PKIG: variants seen among roughly 807,000 people sequenced by gnomAD.
The protein encoded by PKIG is protein kinase (cAMP-dependent, catalytic) inhibitor gamma.
PKIG carries 1 observed loss-of-function variant against 6.8 expected under a neutral mutation model. That is an observed-to-expected ratio of 0.15 (90% confidence interval 0.05 to 0.69). The LOEUF is 0.69. PKIG is among the 30% of genes least tolerant of loss of function. PKIG has a pLI of 0.82. For missense variants in PKIG, 77 were observed against 104.0 expected (o/e 0.74, Z 1.13); for synonymous variants, 39 against 43.0 (o/e 0.91, Z 0.36).
At chr20:44,566,477 C>T (rs2064811857) in intron 1 of PKIG, among the ~76,000 whole-genome samples, 1 of 152,206 alleles carries the variant, frequency 6.6e-6, no homozygotes, top group African/African-American at 2.4e-5. Flanking sequence ...CTCATGCATG[C>T]ATATCATATA....
At chr20:44,536,935 G>T (rs755324507) in intron 1 of PKIG, among the ~76,000 whole-genome samples, 143 of 151,876 alleles carry the variant, frequency 9.4e-4, no homozygotes, top group Non-Finnish European at 1.5e-3. Flanking sequence ...TTGTTTTTTT[G>T]TGTGTGTTTT....
chr20:44,617,952 CTGGGG>C, intron 3 of PKIG, among the ~76,000 whole-genome samples: 1 of 152,206 alleles, frequency 6.6e-6, no homozygotes, highest in Non-Finnish European at 1.5e-5. Flanking sequence ...CTGTGACACA[CTGGGG>C]ACTTAACATC....
chr20:44,536,836 G>T (rs952280762), intron 1 of PKIG, among the ~76,000 whole-genome samples: 1 of 152,206 alleles, frequency 6.6e-6, no homozygotes, highest in Non-Finnish European at 1.5e-5. Context: ...TATTTGAGAT[G>T]AACCTTTAGT....
At chr20:44,606,653 A>G (rs2065165944) in intron 2 of PKIG, among the ~76,000 whole-genome samples, 1 of 152,188 alleles carries the variant, frequency 6.6e-6, no homozygotes, top group African/African-American at 2.4e-5. Context: ...TCCCAAAAAT[A>G]TAAAAATTAG....
intron 2 of PKIG, among the ~76,000 whole-genome samples, chr20:44,600,123 A>G (rs1053541649): frequency 6.6e-6 from 1 of 152,228 alleles, no homozygotes; most frequent in African/African-American, 2.4e-5. Flanking sequence ...CACAGAGGAA[A>G]TAGTCTAGTA....
At chr20:44,605,245 C>G (rs1001201937) in intron 2 of PKIG, among the ~76,000 whole-genome samples, 1 of 151,468 alleles carries the variant, frequency 6.6e-6, no homozygotes, top group Non-Finnish European at 1.5e-5. Context: ...CTCTACTGAA[C>G]AAAATACAAA....
chr20:44,610,663 A>G lies in PKIG; in HGVS notation c.-23-3871A>G, dbSNP rs535307617. Reference sequence around the variant, plus strand: ...AACCATTGAAAAAATATAGACTTAGAAAACGAAAGTTCCCCTTAATCACAA... The same window carrying G: ...AACCATTGAAAAAATATAGACTTAGGAAACGAAAGTTCCCCTTAATCACAA... On this transcript the variant is annotated intron_variant, in intron 2 of 3. Transcript: ENST00000372886. Among the ~76,000 whole-genome samples the G allele has an allele frequency of 2.0e-5, 3 of 152,340 alleles. No homozygotes were observed. In the South Asian group the frequency reaches 6.2e-4, roughly 32 times the overall value.
rs559846553 is a variant in PKIG, at chr20:44,610,500, T to TCACACACACACACACA, written c.-23-4020_-23-4005dup. Among the ~76,000 whole-genome samples, 740 of 135,436 alleles carry TCACACACACACACACA rather than the reference T, an allele frequency of 5.5e-3. 2 individuals are homozygous for TCACACACACACACACA. The highest frequency in any genetic ancestry group is 0.016 in the African/African-American group (525 of 33,080). 88.9% of individuals were successfully genotyped at this position (135,436 alleles called of 152,430 possible). A position where few individuals can be genotyped will look rare whatever the true frequency, so the allele number is the denominator to read the frequency against. ...TCTCTCTCTCTTCTCTCTCTCTCTC[T>TCACACACACACACACA]CACACACACACACACACACACACAC... On this transcript the variant is annotated intron_variant, in intron 2 of 3. Transcript: ENST00000372886.
chr20:44,580,902 A>G (rs1188881471), upstream of PKIG, among the ~76,000 whole-genome samples: 1 of 152,190 alleles, frequency 6.6e-6, no homozygotes, highest in Non-Finnish European at 1.5e-5. Flanking sequence ...AGTGGCATTG[A>G]AACAGATCAG....
intron 2 of PKIG, among the ~76,000 whole-genome samples, chr20:44,602,624 G>A (rs1382563072): frequency 1.3e-5 from 2 of 151,830 alleles, no homozygotes; most frequent in African/African-American, 4.8e-5. Flanking sequence ...CTTGAGGTCA[G>A]GAGTTCAAGA....
intron 1 of PKIG, among the ~76,000 whole-genome samples, chr20:44,547,810 G>A (rs1199390503): frequency 2.0e-5 from 3 of 152,084 alleles, no homozygotes; most frequent in African/African-American, 4.8e-5. Flanking sequence ...CAAGGTGGGC[G>A]GATCATTTCA....
chr20:44,607,685 AT>A (rs146383327), intron 2 of PKIG, among the ~76,000 whole-genome samples: 6,267 of 120,644 alleles, frequency 0.052, 124 homozygotes, highest in African/African-American at 0.078. Context: ...TGGAAAATAA[AT>A]TTTTTTTTTT....
chr20:44,617,675 T>C (rs140624152), intron 3 of PKIG, among the ~76,000 whole-genome samples: 1 of 152,210 alleles, frequency 6.6e-6, no homozygotes, highest in Non-Finnish European at 1.5e-5. Flanking sequence ...GATGCACGGT[T>C]GGCCCCCACA....
intron 2 of PKIG, among the ~76,000 whole-genome samples, chr20:44,610,481 TC>T (rs1422058561): frequency 3.2e-3 from 417 of 129,542 alleles, no homozygotes; most frequent in African/African-American, 0.012. Flanking sequence ...TCTCTCTCTC[TC>T]TCTTCTCTCT....
At chr20:44,544,066 A>C (rs79044093) in intron 1 of PKIG, among the ~76,000 whole-genome samples, 1 of 117,854 alleles carries the variant, frequency 8.5e-6, no homozygotes. Flanking sequence ...CTCCGCCTCA[A>C]AAAAAAAAAA....
At chr20:44,593,303 C>T (rs948658091) in intron 2 of PKIG, among the ~76,000 whole-genome samples, 26 of 151,316 alleles carry the variant, frequency 1.7e-4, no homozygotes, top group Admixed American at 1.5e-3. Flanking sequence ...CACTGTACTC[C>T]AGCCTGGCTG....
intron 2 of PKIG, among the ~76,000 whole-genome samples, chr20:44,599,734 A>T (rs2065104882): frequency 1.3e-5 from 2 of 152,140 alleles, no homozygotes; most frequent in African/African-American, 4.8e-5. Context: ...AAAACAAAAA[A>T]CAAAAAACAA....
chr20:44,567,690 C>T (rs975126009), intron 1 of PKIG, among the ~76,000 whole-genome samples: 3 of 152,162 alleles, frequency 2.0e-5, no homozygotes, highest in Non-Finnish European at 4.4e-5. Context: ...GTGCACCTTC[C>T]AGTGCCGGGC....
At chr20:44,609,681 A>G (rs1384081547) in intron 2 of PKIG, among the ~76,000 whole-genome samples, 2 of 152,202 alleles carry the variant, frequency 1.3e-5, no homozygotes, top group East Asian at 1.9e-4. Context: ...CATGGGAAAA[A>G]TCCAGACCAA....
Sources: gnomAD v4.1 joint callset for allele counts (sites outside exome capture counted in the v4.1 genomes callset) on GRCh38, gnomAD v4.1.1 for gene constraint, MANE v1.5 for transcripts, NCBI Gene and HGNC (gene_info 2026-07-23, HGNC 2026-07-21) for gene names.